SPIDR: variants seen among roughly 807,000 people sequenced by gnomAD.
The protein encoded by SPIDR is scaffold protein involved in DNA repair.
In SPIDR, 93 loss-of-function variants were observed where a neutral mutation model predicts 104.6. The observed-to-expected ratio is 0.89, with a 90% CI of 0.75 to 1.06. SPIDR has a LOEUF of 1.06. Among genes scored for constraint, SPIDR ranks in the 50% least tolerant of loss-of-function variants. The pLI is 0.00. For missense variants in SPIDR, 1,154 were observed against 1,111.2 expected, an observed-to-expected ratio of 1.04 and a Z score of -0.55; for synonymous variants, 431 against 416.9, an observed-to-expected ratio of 1.03 and a Z score of -0.41.
intron 14 of SPIDR, among the ~76,000 whole-genome samples, chr8:47,706,255 T>C (rs1483188487): frequency 6.6e-6 from 1 of 152,034 alleles, no homozygotes; most frequent in East Asian, 1.9e-4. Context: ...TAGCCGGGCG[T>C]GGTGGCAGGC....
chr8:47,505,260 T>A (rs1281624956), intron 8 of SPIDR, among the ~76,000 whole-genome samples: 1 of 152,088 alleles, frequency 6.6e-6, no homozygotes, highest in Non-Finnish European at 1.5e-5. Flanking sequence ...CAGGCAGGCC[T>A]CCTTGAGCTG....
At chr8:47,430,261 T>G (rs1433235523) in intron 7 of SPIDR, among the ~76,000 whole-genome samples, 2 of 152,228 alleles carry the variant, frequency 1.3e-5, no homozygotes, top group Non-Finnish European at 1.5e-5. Flanking sequence ...TTTGTTGAAA[T>G]GCCATGGGAA....
chr8:47,615,085 T>A (rs1051198676), intron 10 of SPIDR, among the ~76,000 whole-genome samples: 2 of 151,750 alleles, frequency 1.3e-5, no homozygotes, highest in African/African-American at 2.4e-5. Context: ...TTTTTTTTTT[T>A]AAAGAGACAG....
chr8:47,599,848 T>A (rs2062045749), intron 10 of SPIDR, among the ~76,000 whole-genome samples: 1 of 152,202 alleles, frequency 6.6e-6, no homozygotes, highest in South Asian at 2.1e-4. Context: ...CTTTTTGCAA[T>A]CTCTGCCTCT....
intron 7 of SPIDR, among the ~76,000 whole-genome samples, chr8:47,425,521 T>C (rs978011056): frequency 1.8e-4 from 28 of 152,322 alleles, no homozygotes; most frequent in African/African-American, 6.7e-4. Context: ...AACCTCTGTC[T>C]AGTTTCTCAG....
intron 14 of SPIDR, among the ~76,000 whole-genome samples, chr8:47,709,022 G>A (rs2081467148): frequency 6.6e-6 from 1 of 151,788 alleles, no homozygotes; most frequent in Non-Finnish European, 1.5e-5. Context: ...GCCCAGGTTG[G>A]AATGGAGTGA....
At chr8:47,711,310 G>A (rs761082619) in intron 14 of SPIDR, among the ~76,000 whole-genome samples, 1 of 152,108 alleles carries the variant, frequency 6.6e-6, no homozygotes, top group Admixed American at 6.6e-5. Context: ...TGATTTTAAT[G>A]GAGAATGGCT....
chr8:47,674,518 AC>A (rs2076180939), intron 11 of SPIDR, among the ~76,000 whole-genome samples: 1 of 152,146 alleles, frequency 6.6e-6, no homozygotes. Context: ...AAAAAAAGAA[AC>A]ATTTTTAATG....
At chr8:47,427,909 G>A (rs546257565) in intron 7 of SPIDR, among the ~76,000 whole-genome samples, 68 of 151,976 alleles carry the variant, frequency 4.5e-4, no homozygotes, top group Non-Finnish European at 8.4e-4. Flanking sequence ...TGGGGTCGGC[G>A]ATTTCTTTTT....
chr8:47,269,062 GA>G (rs2034701312), intron 1 of SPIDR, among the ~76,000 whole-genome samples: 2 of 152,092 alleles, frequency 1.3e-5, no homozygotes. Flanking sequence ...AGCTACTCGG[GA>G]GGCTGAGGCA....
intron 7 of SPIDR, among the ~76,000 whole-genome samples, chr8:47,418,891 A>T (rs10957320): frequency 1.3e-5 from 2 of 152,218 alleles, no homozygotes; most frequent in Non-Finnish European, 2.9e-5. Context: ...GGTTTTTGTC[A>T]TTGGTTTTGT....
At chr8:47,574,142 C>T (rs991661769) in intron 8 of SPIDR, among the ~76,000 whole-genome samples, 4 of 152,160 alleles carry the variant, frequency 2.6e-5, no homozygotes, top group African/African-American at 7.2e-5. Flanking sequence ...GACAATATTT[C>T]TTGGTCTTAC....
intron 10 of SPIDR, among the ~76,000 whole-genome samples, chr8:47,625,557 A>G (rs1156255266): frequency 1.3e-5 from 2 of 152,186 alleles, no homozygotes; most frequent in Non-Finnish European, 2.9e-5. Context: ...TACAAAATCA[A>G]TGTGCAAAAA....
chr8:47,302,293 C>A (rs1332197863), intron 5 of SPIDR, among the ~76,000 whole-genome samples: 5 of 152,120 alleles, frequency 3.3e-5, no homozygotes, highest in Non-Finnish European at 7.3e-5. Flanking sequence ...TTTTCAGCTC[C>A]ATGAGGTCCT....
intron 1 of SPIDR, among the ~76,000 whole-genome samples, chr8:47,270,033 A>G (rs893585048): frequency 2.6e-5 from 4 of 152,096 alleles, no homozygotes; most frequent in Non-Finnish European, 4.4e-5. Context: ...AACTCTTTGT[A>G]TATGTTGCTG....
At chr8:47,429,642 A>C (rs2066993856) in intron 7 of SPIDR, among the ~76,000 whole-genome samples, 1 of 152,212 alleles carries the variant, frequency 6.6e-6, no homozygotes, top group African/African-American at 2.4e-5. Flanking sequence ...AATAGCCCTC[A>C]TCAGGCAGTG....
At chr8:47,602,823 C>T (rs2062455611) in intron 10 of SPIDR, among the ~76,000 whole-genome samples, 1 of 152,218 alleles carries the variant, frequency 6.6e-6, no homozygotes, top group African/African-American at 2.4e-5. Flanking sequence ...ATGTCCTCTG[C>T]ACTGTGAAAC....
intron 8 of SPIDR, among the ~76,000 whole-genome samples, chr8:47,458,765 GCTGTGGGTTTATTA>G (rs1209100276): frequency 6.6e-6 from 1 of 151,976 alleles, no homozygotes; most frequent in Non-Finnish European, 1.5e-5. Context: ...TATTATGTTG[GCTGTGGGTTTATTA>G]CATTGAGGTA....
chr8:47,336,401 C>T (rs2154271017), intron 5 of SPIDR, among the ~76,000 whole-genome samples: 1 of 152,268 alleles, frequency 6.6e-6, no homozygotes, highest in South Asian at 2.1e-4. Flanking sequence ...AAGAAGAAGG[C>T]TTTAATTGGG....
Sources: allele counts gnomAD v4.1 joint callset (sites outside exome capture counted in the v4.1 genomes callset), GRCh38; gene constraint gnomAD v4.1.1; transcripts MANE v1.5; gene names NCBI Gene and HGNC (gene_info 2026-07-23, HGNC 2026-07-21).